ARHGAP39: variants seen among roughly 807,000 people sequenced by gnomAD.
ARHGAP39 encodes Rho GTPase activating protein 39.
A neutral mutation model predicts 106.9 loss-of-function variants in ARHGAP39; 44 were observed. That is an observed-to-expected ratio of 0.41 (90% confidence interval 0.32 to 0.53). ARHGAP39 has a LOEUF of 0.53. ARHGAP39 is among the 20% of genes least tolerant of loss of function. The pLI, the probability that ARHGAP39 is intolerant of heterozygous loss-of-function variation, is 0.21. For missense variants in ARHGAP39, 1,496 were observed against 1,577.3 expected (o/e 0.95, Z 0.87); for synonymous variants, 768 against 693.2 (o/e 1.11, Z -1.69).
At chr8:144,669,521 A>C (rs1822047902) in intron 1 of ARHGAP39, among the ~76,000 whole-genome samples, 1 of 150,314 alleles carries the variant, frequency 6.7e-6, no homozygotes, top group African/African-American at 2.4e-5. Flanking sequence ...AAAAAAAAAA[A>C]AAAAAAGATA....
At chr8:144,582,282 C>T (rs1322209960) in intron 2 of ARHGAP39, among the ~76,000 whole-genome samples, 9 of 152,202 alleles carry the variant, frequency 5.9e-5, no homozygotes, top group Admixed American at 5.9e-4. Flanking sequence ...GGGCGACCTT[C>T]ATCCCACGTC....
At position 144,595,841 on chromosome 8, in the gene ARHGAP39, C is replaced by T. The variant is rs569828803; in HGVS notation, c.80+9694G>A. Among the ~76,000 whole-genome samples the T allele has an allele frequency of 3.3e-5, 5 of 152,242 alleles. No homozygotes were observed. In the South Asian group the frequency reaches 1.0e-3, roughly 32 times the overall value. ...CTGGCTGTACAGCCTCTGCCAGGGG[C>T]GCCAGTGTCCCTCCCGCCGCGCCGC... On this transcript the variant is annotated intron_variant, in intron 2 of 11. Transcript: ENST00000377307.
At chr8:144,615,535 G>T (rs1011637009) in intron 1 of ARHGAP39, among the ~76,000 whole-genome samples, 1 of 152,144 alleles carries the variant, frequency 6.6e-6, no homozygotes, top group African/African-American at 2.4e-5. Flanking sequence ...ACTGCTTCCC[G>T]TCTGGCCGAC....
intron 2 of ARHGAP39, among the ~76,000 whole-genome samples, chr8:144,595,204 A>G (rs1032178501): frequency 6.6e-6 from 1 of 152,174 alleles, no homozygotes; most frequent in African/African-American, 2.4e-5. Flanking sequence ...ACGTCCTTCA[A>G]CTGATGCATG....
intron 1 of ARHGAP39, among the ~76,000 whole-genome samples, chr8:144,636,259 G>A (rs900854947): frequency 2.6e-5 from 4 of 152,306 alleles, no homozygotes; most frequent in South Asian, 2.1e-4. Context: ...TGATTCTTAC[G>A]GGGTGAGTGC....
intron 4 of ARHGAP39, among the ~76,000 whole-genome samples, chr8:144,549,699 T>G (rs1372418536): frequency 6.6e-6 from 1 of 152,140 alleles, no homozygotes; most frequent in African/African-American, 2.4e-5. Context: ...TTCACCGTGT[T>G]GGCCAGGCTG....
intron 1 of ARHGAP39, among the ~76,000 whole-genome samples, chr8:144,632,716 G>A (rs544657437): frequency 1.3e-5 from 2 of 152,314 alleles, no homozygotes; most frequent in African/African-American, 2.4e-5. Context: ...CCCCACAACC[G>A]CCCAGACAAT....
Position 144,548,581 on chromosome 8 carries a change from C to T in ARHGAP39, c.597-92G>A. On this transcript the variant is annotated intron_variant, in intron 4 of 11. Transcript: ENST00000377307. The surrounding 1 kb of genome is among the most constrained non-coding windows in gnomAD (Gnocchi z 7.4). ...CGGGGGCTGTAGGCAGCGGCTCCCGCGAACCCTCTGTTGTACACCTTCCTC... is the reference window on the plus strand; with the variant it reads ...CGGGGGCTGTAGGCAGCGGCTCCCGTGAACCCTCTGTTGTACACCTTCCTC... 4 of 1,472,530 alleles carry T rather than the reference C, an allele frequency of 2.7e-6. No individual in the cohort carries two copies. The highest frequency in any genetic ancestry group is 1.3e-5 in the South Asian group (1 of 75,396). 91.2% of individuals were successfully genotyped at this position (1,472,530 alleles called of 1,614,324 possible).
intron 3 of ARHGAP39, among the ~76,000 whole-genome samples, chr8:144,574,167 A>AC (rs10699893): frequency 1.4e-5 from 2 of 140,210 alleles, no homozygotes; most frequent in Non-Finnish European, 3.1e-5. Context: ...AAAAAAAAAA[A>AC]GGGAAGAAGA....
intron 1 of ARHGAP39, among the ~76,000 whole-genome samples, chr8:144,680,907 TA>T: frequency 6.6e-6 from 1 of 152,242 alleles, no homozygotes; most frequent in African/African-American, 2.4e-5. Flanking sequence ...TATATGATAA[TA>T]AAATTACTTT....
chr8:144,664,488 T>C (rs556676232), intron 1 of ARHGAP39, among the ~76,000 whole-genome samples: 1 of 152,302 alleles, frequency 6.6e-6, no homozygotes, highest in African/African-American at 2.4e-5. Flanking sequence ...AGACAGGCCA[T>C]CCAATGTGTG....
intron 1 of ARHGAP39, among the ~76,000 whole-genome samples, chr8:144,609,183 T>C (rs1820397138): frequency 6.6e-6 from 1 of 152,236 alleles, no homozygotes; most frequent in Non-Finnish European, 1.5e-5. Flanking sequence ...ACTGTAACTT[T>C]TTCATGAATG....
intron 1 of ARHGAP39, among the ~76,000 whole-genome samples, chr8:144,676,863 G>A (rs1035987416): frequency 1.1e-4 from 17 of 152,372 alleles, no homozygotes; most frequent in East Asian, 7.7e-4. Context: ...TGGCCAGAGC[G>A]GACGCCGAGG....
intron 1 of ARHGAP39, among the ~76,000 whole-genome samples, chr8:144,615,024 C>T (rs1820597945): frequency 6.6e-6 from 1 of 152,244 alleles, no homozygotes; most frequent in Non-Finnish European, 1.5e-5. Context: ...CCATTTCACC[C>T]CTTACGAGTC....
Position 144,671,965 on chromosome 8 carries a change from G to A in ARHGAP39, c.-82+13721C>T, listed in dbSNP as rs557534075. 6.6e-6 allele frequency among the ~76,000 whole-genome samples: 1 copy of A among 152,370 alleles called. No individual in the cohort carries two copies. The highest frequency in any genetic ancestry group is 2.1e-4 in the South Asian group (1 of 4,828). ...AGCAATGGAGACAGGCTCCGCCCAAGTGAGGCTCATCCTGGGCCCCAGTGG... is the reference window on the plus strand; with the variant it reads ...AGCAATGGAGACAGGCTCCGCCCAAATGAGGCTCATCCTGGGCCCCAGTGG... On this transcript the variant is annotated intron_variant, in intron 1 of 11. Coordinates refer to ENST00000377307, the MANE Select transcript of ARHGAP39 (RefSeq NM_025251.3). This position sits in a 1 kb window ranked among gnomAD's most constrained non-coding sequence, Gnocchi z 4.5.
At chr8:144,690,137 C>T (rs1822713533), upstream of ARHGAP39, among the ~76,000 whole-genome samples, 1 of 151,992 alleles carries the variant, frequency 6.6e-6, no homozygotes, top group Non-Finnish European at 1.5e-5. Context: ...GAGTTTCACT[C>T]TTGTTGCCCA....
chr8:144,627,356 T>C (rs1167401446), intron 1 of ARHGAP39, among the ~76,000 whole-genome samples: 2 of 151,726 alleles, frequency 1.3e-5, no homozygotes, highest in Non-Finnish European at 2.9e-5. Context: ...ATCGAGACCA[T>C]CCTGGCTAAC....
rs879919956 is a variant in ARHGAP39 at position 144,531,233 on chromosome 8, A to T, written c.2981-362T>A. The stretch of plus-strand genomic sequence containing the variant: ...GTGGGCTAGACATAGCAGGCACGGC[A>T]GAAGGGCACAGGGCAGCGAGCAGCA... On this transcript the variant is annotated intron_variant, in intron 10 of 11. Transcript: ENST00000377307. Among the ~76,000 whole-genome samples, 336 of 81,106 alleles carry T rather than the reference A, an allele frequency of 4.1e-3. 3 individuals carry two copies. The highest frequency in any genetic ancestry group is 0.027 in the South Asian group (61 of 2,282). The allele number at this position is 81,106 out of a possible 152,430, so 53.2% of individuals were successfully genotyped here.
At chr8:144,539,409 A>C (rs1463965322) in intron 6 of ARHGAP39, among the ~76,000 whole-genome samples, 1 of 152,140 alleles carries the variant, frequency 6.6e-6, no homozygotes. Flanking sequence ...CTTAATTTTG[A>C]CGAAGTCCAA....
Sources: gnomAD v4.1 joint callset for allele counts (sites outside exome capture counted in the v4.1 genomes callset) on GRCh38, gnomAD v4.1.1 for gene constraint, Gnocchi (gnomAD v3.1) non-coding constraint, MANE v1.5 for transcripts, NCBI Gene and HGNC (gene_info 2026-07-23, HGNC 2026-07-21) for gene names.